AAMDC: variants seen among roughly 807,000 people sequenced by gnomAD.
AAMDC encodes adipogenesis associated Mth938 domain containing.
Under a neutral mutation model 15.5 loss-of-function variants are expected in AAMDC, and 16 were observed. That is an observed-to-expected ratio of 1.03 (90% confidence interval 0.70 to 1.57). The LOEUF is 1.57. Ranked by LOEUF, AAMDC falls within the 40% of genes most tolerant of loss-of-function variation. The pLI, the probability that AAMDC is intolerant of heterozygous loss-of-function variation, is 0.00. For synonymous variants in AAMDC, 51 were observed against 51.6 expected (o/e 0.99, Z 0.05); for missense variants, 141 against 144.9 (o/e 0.97, Z 0.14).
intron 2 of AAMDC, among the ~76,000 whole-genome samples, chr11:77,857,266 G>GT (rs1401398148): frequency 3.9e-5 from 6 of 152,174 alleles, no homozygotes; most frequent in African/African-American, 1.2e-4. Context: ...TCACTTAGAG[G>GT]TATTCATCAC....
chr11:77,840,166 GA>G (rs1199460953), intron 1 of AAMDC, among the ~76,000 whole-genome samples: 1 of 152,006 alleles, frequency 6.6e-6, no homozygotes, highest in East Asian at 1.9e-4. Flanking sequence ...CCCTTGAAAA[GA>G]AACATGAAAA....
chr11:77,825,568 C>A (rs1249784609), intron 1 of AAMDC, among the ~76,000 whole-genome samples: 3 of 152,048 alleles, frequency 2.0e-5, no homozygotes, highest in Admixed American at 2.0e-4. Context: ...TAAAAGGAAG[C>A]CCTAATACAA....
At chr11:77,890,416 C>T (rs1475606269) in intron 5 of AAMDC, among the ~76,000 whole-genome samples, 1 of 152,042 alleles carries the variant, frequency 6.6e-6, no homozygotes, top group Non-Finnish European at 1.5e-5. Context: ...TGCTTTGACT[C>T]ATATCCCTTT....
At chr11:77,902,820 G>A (rs1447110839), downstream of AAMDC, among the ~76,000 whole-genome samples, 1 of 152,174 alleles carries the variant, frequency 6.6e-6, no homozygotes, top group African/African-American at 2.4e-5. Flanking sequence ...AAATAAACTA[G>A]AGACAAATAA....
rs1236804384 is a variant in AAMDC at position 77,872,187 on chromosome 11, ACTGTGGAGTAC to A, written c.244_254del (p.Val82GlnfsTer6). The A allele has an allele frequency of 1.2e-6, 2 of 1,613,012 alleles. No homozygotes were observed. The highest frequency in any genetic ancestry group is 2.2e-5 in the South Asian group (2 of 90,878). ...TCCACCTTCCCAGGTGCCTTCATCA[ACTGTGGAGTAC>A]CTCAAGAAACATGGCATTGATGTGC... On this transcript the variant is annotated frameshift_variant, in exon 4 of 4. Coordinates refer to ENST00000393427, the MANE Select transcript of AAMDC (RefSeq NM_024684.4). LOFTEE classifies it high-confidence loss of function.
rs1488505100 is a variant in AAMDC, at chr11:77,894,487, G to A, written c.329-6084G>A. On this transcript the variant is annotated intron_variant, in intron 5 of 5. Coordinates refer to the AAMDC transcript ENST00000304716. ...AAAATGATCTCTAAAAGTAACAGAA[G>A]ACTCCTAATGGACCTGGGGGAAACA... 3 of 538,864 alleles carry A rather than the reference G, an allele frequency of 5.6e-6. No individual in the cohort carries two copies. The African/African-American group carries it at 5.9e-5, about 11-fold the overall frequency. The allele number at this position is 538,864 out of a possible 1,614,324, so 33.4% of individuals were successfully genotyped here.
intron 2 of AAMDC, among the ~76,000 whole-genome samples, chr11:77,863,033 G>A (rs771510018): frequency 3.5e-4 from 53 of 152,090 alleles, no homozygotes; most frequent in Non-Finnish European, 6.9e-4. Flanking sequence ...GTGGTGGGCC[G>A]CTTCTAAGAT....
At chr11:77,863,726 G>A (rs1012234017) in intron 2 of AAMDC, among the ~76,000 whole-genome samples, 2 of 152,052 alleles carry the variant, frequency 1.3e-5, no homozygotes, top group African/African-American at 2.4e-5. Flanking sequence ...TGTTGCCCAG[G>A]CTGGTCTCAA....
At chr11:77,868,058 C>CTTTTT (rs35305436) in intron 2 of AAMDC, among the ~76,000 whole-genome samples, 1 of 137,090 alleles carries the variant, frequency 7.3e-6, no homozygotes, top group African/African-American at 2.7e-5. Context: ...TCCTCTGAGC[C>CTTTTT]TTTTTTTTTT....
intron 5 of AAMDC, among the ~76,000 whole-genome samples, chr11:77,890,933 C>T (rs1952235053): frequency 6.6e-6 from 1 of 152,118 alleles, no homozygotes; most frequent in African/African-American, 2.4e-5. Flanking sequence ...ATCTGCCAGC[C>T]GACTGACTCA....
intron 1 of AAMDC, chr11:77,840,965 A>G: frequency 2.0e-6 from 1 of 493,028 alleles, no homozygotes; most frequent in Non-Finnish European, 3.6e-6. Context: ...ATAACTGAAT[A>G]CCTGAAACTG....
intron 1 of AAMDC, among the ~76,000 whole-genome samples, chr11:77,836,418 T>C (rs1385011676): frequency 2.0e-5 from 3 of 152,078 alleles, no homozygotes; most frequent in Non-Finnish European, 2.9e-5. Flanking sequence ...GAAAAAGCCA[T>C]GTGAGAAAAC....
chr11:77,857,046 T>A (rs965390946), intron 2 of AAMDC, among the ~76,000 whole-genome samples: 1 of 152,228 alleles, frequency 6.6e-6, no homozygotes, highest in South Asian at 2.1e-4. Context: ...TAATTCACTA[T>A]GAAGTAATAG....
intron 5 of AAMDC, among the ~76,000 whole-genome samples, chr11:77,900,247 A>C (rs560504871): frequency 1.2e-4 from 18 of 152,092 alleles, no homozygotes; most frequent in East Asian, 9.7e-4. Context: ...CTACTGGTGC[A>C]TGCCACCATG....
chr11:77,868,720 G>A (rs538868169), intron 2 of AAMDC: 34 of 220,706 alleles, frequency 1.5e-4, no homozygotes, highest in East Asian at 5.6e-4. Context: ...AAATTATGGC[G>A]TGAATTCACA....
chr11:77,878,689 C>G lies in AAMDC; in HGVS notation c.328+1640C>G, dbSNP rs761106170. 1.2e-4 allele frequency: 83 copies of G among 684,410 alleles called. 1 individual carries two copies. Among genetic ancestry groups the G allele is most frequent in the Admixed American group, 2.5e-4 (11 of 44,314 alleles). The allele number at this position is 684,410 out of a possible 1,614,324, so 42.4% of individuals were successfully genotyped here. A position where few individuals can be genotyped will look rare whatever the true frequency, so the allele number is the denominator to read the frequency against. ...TAAAAGCTGAAGCTATAGCCACACGCATTTCTTTACAGACCAGGAACTAGA... is the reference window on the plus strand; with the variant it reads ...TAAAAGCTGAAGCTATAGCCACACGGATTTCTTTACAGACCAGGAACTAGA... On this transcript the variant is annotated intron_variant, in intron 5 of 5. Transcript: ENST00000304716.
At chr11:77,846,841 T>G (rs1366456868) in intron 2 of AAMDC, among the ~76,000 whole-genome samples, 2 of 152,210 alleles carry the variant, frequency 1.3e-5, no homozygotes, top group Non-Finnish European at 2.9e-5. Flanking sequence ...GACAATTTTT[T>G]TTAGAACTTT....
At chr11:77,897,724 C>A (rs533126950) in intron 5 of AAMDC, among the ~76,000 whole-genome samples, 81 of 151,698 alleles carry the variant, frequency 5.3e-4, no homozygotes, top group African/African-American at 1.8e-3. Flanking sequence ...CCAGGATGGT[C>A]TCAATCTCCT....
intron 5 of AAMDC, among the ~76,000 whole-genome samples, chr11:77,895,343 T>C (rs1023987124): frequency 1.3e-5 from 2 of 151,790 alleles, no homozygotes; most frequent in Non-Finnish European, 2.9e-5. Context: ...AAGAGAATGA[T>C]GTCAAGGTTT....
Sources: allele counts gnomAD v4.1 joint callset (sites outside exome capture counted in the v4.1 genomes callset), GRCh38; gene constraint gnomAD v4.1.1; transcripts MANE v1.5; gene names NCBI Gene and HGNC (gene_info 2026-07-23, HGNC 2026-07-21).